XKR6: variants seen among roughly 807,000 people sequenced by gnomAD.
XKR6 encodes XK related 6, also known as XK-related protein 6.
In XKR6, 22 loss-of-function variants were observed where a neutral mutation model predicts 56.7. The ratio of observed to expected loss-of-function variants is 0.39; its 90% CI spans 0.28 to 0.55. The LOEUF is 0.55. Among genes scored for constraint, XKR6 ranks in the 20% least tolerant of loss-of-function variants. The pLI is 0.66. For synonymous variants in XKR6, 524 were observed against 387.8 expected, an observed-to-expected ratio of 1.35 and a Z score of -4.13; for missense variants, 852 against 889.0, an observed-to-expected ratio of 0.96 and a Z score of 0.53.
At chr8:11,075,175 G>T (rs900429796) in intron 1 of XKR6, among the ~76,000 whole-genome samples, 1 of 152,222 alleles carries the variant, frequency 6.6e-6, no homozygotes, top group Admixed American at 6.5e-5. Flanking sequence ...TGAACTCTGG[G>T]GAAAAAAAGG....
At chr8:10,915,308 G>A (rs996606884) in intron 2 of XKR6, among the ~76,000 whole-genome samples, 3 of 151,610 alleles carry the variant, frequency 2.0e-5, no homozygotes, top group African/African-American at 7.3e-5. Context: ...CGTTCCACCT[G>A]CAGTAAATGC....
chr8:11,064,479 G>A (rs1466673515), intron 1 of XKR6, among the ~76,000 whole-genome samples: 1 of 152,182 alleles, frequency 6.6e-6, no homozygotes, highest in Non-Finnish European at 1.5e-5. Context: ...AAAGGAAGCA[G>A]AATAATTTAT....
Position 10,988,231 on chromosome 8 carries a change from G to A in XKR6, c.765-63401C>T, listed in dbSNP as rs185937962. Among the ~76,000 whole-genome samples, 9 of 152,146 alleles carry A rather than the reference G, an allele frequency of 5.9e-5. No homozygotes were observed. The East Asian group carries it at 1.2e-3, about 20-fold the overall frequency. ...CTCCCTTCTAGAATGTAAGCTCCATGGGGGTATGGATTCTTAATCTGTTTT... is the reference window on the plus strand; with the variant it reads ...CTCCCTTCTAGAATGTAAGCTCCATAGGGGTATGGATTCTTAATCTGTTTT... On this transcript the variant is annotated intron_variant, in intron 1 of 2. Transcript: ENST00000416569.
chr8:11,176,664 C>A (rs773532393), intron 1 of XKR6, among the ~76,000 whole-genome samples: 3 of 152,116 alleles, frequency 2.0e-5, no homozygotes, highest in Non-Finnish European at 4.4e-5. Flanking sequence ...TCGGCCCCAG[C>A]CACTCTGGGT....
At chr8:10,959,185 G>A (rs984715874) in intron 1 of XKR6, among the ~76,000 whole-genome samples, 2 of 152,108 alleles carry the variant, frequency 1.3e-5, no homozygotes, top group South Asian at 4.1e-4. Flanking sequence ...CCTGGTCACC[G>A]GATCTCTCCA....
chr8:11,123,898 C>T (rs894235826), intron 1 of XKR6: 4 of 455,896 alleles, frequency 8.8e-6, no homozygotes, highest in African/African-American at 8.0e-5. Flanking sequence ...TGGGACTGCC[C>T]TTCCCTCCCT....
chr8:11,017,994 G>C (rs973364775), intron 1 of XKR6, among the ~76,000 whole-genome samples: 1 of 152,140 alleles, frequency 6.6e-6, no homozygotes, highest in Non-Finnish European at 1.5e-5. Flanking sequence ...CCTGTCCCCA[G>C]GCACCTGAAA....
At chr8:11,170,003 G>C (rs1180848535) in intron 1 of XKR6, among the ~76,000 whole-genome samples, 2 of 152,138 alleles carry the variant, frequency 1.3e-5, no homozygotes, top group Non-Finnish European at 2.9e-5. Context: ...CTCTTGGAGA[G>C]ACTTGAAAAT....
chr8:11,089,685 T>C (rs1440563395), intron 1 of XKR6, among the ~76,000 whole-genome samples: 1 of 152,100 alleles, frequency 6.6e-6, no homozygotes, highest in Non-Finnish European at 1.5e-5. Flanking sequence ...TAAAAGGTAA[T>C]AATATTACAA....
At chr8:11,196,963 T>A (rs779946182) in intron 1 of XKR6, among the ~76,000 whole-genome samples, 13 of 140,382 alleles carry the variant, frequency 9.3e-5, no homozygotes, top group Non-Finnish European at 2.1e-4. Context: ...CCAGCAACAT[T>A]CACTGCAGAT....
At chr8:10,911,577 G>C (rs1240896288) in intron 2 of XKR6, among the ~76,000 whole-genome samples, 1 of 145,974 alleles carries the variant, frequency 6.9e-6, no homozygotes, top group Non-Finnish European at 1.5e-5. Flanking sequence ...TATATATAGA[G>C]AGAGAGAGGA....
At chr8:11,110,719 G>C (rs1270911374) in intron 1 of XKR6, among the ~76,000 whole-genome samples, 2 of 152,166 alleles carry the variant, frequency 1.3e-5, no homozygotes, top group African/African-American at 4.8e-5. Context: ...AGGACTTTCT[G>C]ACTTTCCTAT....
intron 1 of XKR6, among the ~76,000 whole-genome samples, chr8:10,978,316 G>A (rs549267292): frequency 6.6e-6 from 1 of 152,318 alleles, no homozygotes; most frequent in East Asian, 1.9e-4. Context: ...AATGAATAAT[G>A]TTTAAGCCAT....
intron 1 of XKR6, among the ~76,000 whole-genome samples, chr8:11,062,293 G>A (rs376112253): frequency 3.9e-5 from 6 of 152,078 alleles, no homozygotes; most frequent in African/African-American, 1.4e-4. Flanking sequence ...GGGAGGAGCT[G>A]CAGGCTTCTC....
intron 1 of XKR6, among the ~76,000 whole-genome samples, chr8:11,062,221 AC>A (rs1314812184): frequency 3.3e-5 from 5 of 152,126 alleles, no homozygotes; most frequent in Admixed American, 6.5e-5. Context: ...GGGGAAGTGG[AC>A]CACAGAGAGC....
At chr8:11,071,386 C>T (rs543103906) in intron 1 of XKR6, among the ~76,000 whole-genome samples, 3 of 152,172 alleles carry the variant, frequency 2.0e-5, no homozygotes, top group Non-Finnish European at 2.9e-5. Flanking sequence ...ATTACAGGCA[C>T]GCGCCACCAT....
chr8:11,062,958 C>T (rs1009163762), intron 1 of XKR6: 1 of 403,906 alleles, frequency 2.5e-6, no homozygotes, highest in African/African-American at 2.1e-5. Flanking sequence ...AAGTGAAGGA[C>T]TCCAGAGCCC....
chr8:11,034,197 A>G (rs1799080939), intron 1 of XKR6, among the ~76,000 whole-genome samples: 1 of 152,210 alleles, frequency 6.6e-6, no homozygotes, highest in Non-Finnish European at 1.5e-5. Context: ...AAGAGAGAGA[A>G]GCTGAGGGAG....
intron 1 of XKR6, among the ~76,000 whole-genome samples, chr8:10,997,969 A>C (rs1798152700): frequency 1.3e-5 from 2 of 152,168 alleles, no homozygotes; most frequent in Admixed American, 6.5e-5. Context: ...AGGAATTTAC[A>C]AAGATTCTAA....
Sources: gnomAD v4.1 joint callset for allele counts (sites outside exome capture counted in the v4.1 genomes callset) on GRCh38, gnomAD v4.1.1 for gene constraint, MANE v1.5 for transcripts, NCBI Gene and HGNC (gene_info 2026-07-23, HGNC 2026-07-21) for gene names.